The following LIMCH1 variants were observed in gnomAD, a reference collection of about 807,000 sequenced individuals.
LIMCH1 encodes LIM and calponin homology domains-containing protein 1.
LIMCH1 carries 113 observed loss-of-function variants against 176.5 expected under a neutral mutation model. The observed-to-expected ratio is 0.64, with a 90% CI of 0.55 to 0.75. The LOEUF (loss-of-function observed/expected upper bound fraction) is 0.75, where lower values mean the gene tolerates loss of function less well. Among genes scored for constraint, LIMCH1 ranks in the 30% least tolerant of loss-of-function variants. LIMCH1 has a pLI of 0.00. For missense variants in LIMCH1, 1,674 were observed against 1,814.9 expected (o/e 0.92, Z 1.41); for synonymous variants, 619 against 645.9 (o/e 0.96, Z 0.63).
At position 41,619,277 on chromosome 4, in the gene LIMCH1, G is replaced by A. The variant is rs2092382267; in HGVS notation, c.295G>A (p.Gly99Ser). 1 of 1,614,208 alleles carries A rather than the reference G, an allele frequency of 6.2e-7. No homozygotes were observed. The highest frequency in any genetic ancestry group is 1.7e-5 in the Admixed American group (1 of 60,030). Residue 99 changes from glycine to serine, a missense_variant, in exon 6 of 32, where the codon GGT becomes AGT. Around this residue, in one of 3 missense-constraint regions of LIMCH1, gnomAD observed 655 missense variants for 692.2 expected, o/e 0.95. Transcript: ENST00000503057. The stretch of plus-strand genomic sequence containing the variant: ...CATGTCTGCACGGCGGACTTCCCAT[G>A]GTGAGCCGAAATCAGCAGTGCCTTT... ...DDMSARRTSH[G>S]EPKSAVPFNQ... is the part of the protein sequence containing the mutation.
chr4:41,580,176 G>A (rs1007969068), intron 1 of LIMCH1, among the ~76,000 whole-genome samples: 3 of 152,200 alleles, frequency 2.0e-5, no homozygotes, highest in East Asian at 1.9e-4. Context: ...AAGTGAATGC[G>A]TTTCGTGTCC....
chr4:41,439,426 A>G (rs564146863), intron 1 of LIMCH1, among the ~76,000 whole-genome samples: 3 of 152,096 alleles, frequency 2.0e-5, no homozygotes, highest in Admixed American at 6.5e-5. Flanking sequence ...ATCTCTATAA[A>G]AAATACAGGA....
chr4:41,683,865 A>T (rs1033226017), intron 26 of LIMCH1, among the ~76,000 whole-genome samples: 1 of 152,228 alleles, frequency 6.6e-6, no homozygotes, highest in Non-Finnish European at 1.5e-5. Context: ...AAAAAATGTA[A>T]CTTTACAGAA....
At chr4:41,426,053 G>A (rs1156515507) in intron 1 of LIMCH1, among the ~76,000 whole-genome samples, 4 of 126,136 alleles carry the variant, frequency 3.2e-5, no homozygotes, top group Non-Finnish European at 6.3e-5. Context: ...ACGGAGTCTC[G>A]CTCTGTCGCC....
At chr4:41,675,922 A>G (rs1481123047) in intron 22 of LIMCH1, among the ~76,000 whole-genome samples, 1 of 152,174 alleles carries the variant, frequency 6.6e-6, no homozygotes, top group Non-Finnish European at 1.5e-5. Context: ...GAAAAGTGGT[A>G]TGGAAAAGCA....
chr4:41,420,602 C>T (rs1287574769), intron 1 of LIMCH1, among the ~76,000 whole-genome samples: 2 of 152,170 alleles, frequency 1.3e-5, no homozygotes. Flanking sequence ...ATGAACCACG[C>T]CTTAGGTTGA....
intron 1 of LIMCH1, among the ~76,000 whole-genome samples, chr4:41,373,928 C>T (rs998309041): frequency 6.6e-6 from 1 of 152,160 alleles, no homozygotes; most frequent in Admixed American, 6.5e-5. Context: ...GTGTGTAGTA[C>T]CTCCCCCTGC....
At chr4:41,362,871 C>T (rs1054308742) in intron 1 of LIMCH1, among the ~76,000 whole-genome samples, 1 of 152,140 alleles carries the variant, frequency 6.6e-6, no homozygotes, top group African/African-American at 2.4e-5. Flanking sequence ...GACAGTAGAA[C>T]CTCATTAAGC....
chr4:41,666,008 G>A (rs1357589290), intron 20 of LIMCH1, among the ~76,000 whole-genome samples: 1 of 152,186 alleles, frequency 6.6e-6, no homozygotes, highest in Non-Finnish European at 1.5e-5. Context: ...GGCACTGTTC[G>A]ACAGTGGTTG....
intron 12 of LIMCH1, 90 bp downstream of exon 12, chr4:41,633,175 G>C: frequency 1.1e-6 from 1 of 878,752 alleles, no homozygotes; most frequent in Non-Finnish European, 1.8e-6. Context: ...TAAAGTCACA[G>C]TCTGCACCTG....
In LIMCH1 at chr4:41,689,294, C is replaced by T. The variant is rs1407857474; in HGVS notation, c.4167-233C>T. ...AATAACCTAATAACTTAAACACACG[C>T]ACCAGATTCAGTACCACAGTGGAGA... On this transcript the variant is annotated intron_variant, in intron 29 of 31. Transcript: ENST00000503057. 2.6e-5 allele frequency among the ~76,000 whole-genome samples: 4 copies of T among 152,312 alleles called. No homozygotes were observed. In the South Asian group the frequency reaches 8.3e-4, roughly 32 times the overall value.
chr4:41,419,562 C>A lies in LIMCH1; in HGVS notation c.96+58626C>A, dbSNP rs544714836. On this transcript the variant is annotated intron_variant, in intron 1 of 26. Coordinates refer to the LIMCH1 transcript ENST00000313860. ...CCTACATTTTCTTCCTTTCCTTTCCCCTTCCTTCCTTCCTTCCTTCCTTCC... is the reference window on the plus strand; with the variant it reads ...CCTACATTTTCTTCCTTTCCTTTCCACTTCCTTCCTTCCTTCCTTCCTTCC... Among the ~76,000 whole-genome samples the A allele has an allele frequency of 2.2e-4, 9 of 41,680 alleles. No homozygotes were observed. The South Asian group carries it at 7.7e-3, about 36-fold the overall frequency. 27.3% of individuals were successfully genotyped at this position (41,680 alleles called of 152,430 possible).
intron 1 of LIMCH1, among the ~76,000 whole-genome samples, chr4:41,465,954 CTTTTTTT>C (rs34784602): frequency 1.8e-5 from 2 of 108,288 alleles, no homozygotes; most frequent in African/African-American, 7.7e-5. Context: ...CTGTTTGGCT[CTTTTTTT>C]TTTTTTTTTT....
chr4:41,649,200 G>C (rs1451084063), intron 17 of LIMCH1, among the ~76,000 whole-genome samples: 1 of 152,154 alleles, frequency 6.6e-6, no homozygotes, highest in African/African-American at 2.4e-5. Flanking sequence ...AGGAGTTCGA[G>C]ACCAGTCTGG....
At chr4:41,630,887 G>A (rs563844984) in intron 9 of LIMCH1, among the ~76,000 whole-genome samples, 2 of 152,246 alleles carry the variant, frequency 1.3e-5, no homozygotes, top group African/African-American at 4.8e-5. Flanking sequence ...ACCTAATACA[G>A]TGCTTTCACA....
At chr4:41,498,482 T>C (rs1017981285) in intron 2 of LIMCH1, among the ~76,000 whole-genome samples, 1 of 152,240 alleles carries the variant, frequency 6.6e-6, no homozygotes, top group African/African-American at 2.4e-5. Context: ...TCTGTTGTTT[T>C]TGCCAAGTGT....
chr4:41,485,759 G>A (rs1463595786), intron 1 of LIMCH1, among the ~76,000 whole-genome samples: 1 of 152,180 alleles, frequency 6.6e-6, no homozygotes, highest in Non-Finnish European at 1.5e-5. Flanking sequence ...GAGGGTCTGA[G>A]TGGAATGGTA....
At chr4:41,396,411 A>G (rs2057804101) in intron 1 of LIMCH1, among the ~76,000 whole-genome samples, 1 of 152,150 alleles carries the variant, frequency 6.6e-6, no homozygotes, top group African/African-American at 2.4e-5. Flanking sequence ...TTTGCTACTG[A>G]CCTATTTAAA....
At chr4:41,429,198 A>G (rs11935261) in intron 1 of LIMCH1, among the ~76,000 whole-genome samples, 3,646 of 152,038 alleles carry the variant, frequency 0.024, 63 homozygotes, top group Non-Finnish European at 0.041. Flanking sequence ...TTTAATGCGT[A>G]TGTTTTTGTT....
Sources: gnomAD v4.1 joint callset for allele counts (sites outside exome capture counted in the v4.1 genomes callset) on GRCh38, gnomAD v4.1.1 for gene constraint, gnomAD v4.1.1 regional missense constraint, MANE v1.5 for transcripts, NCBI Gene and HGNC (gene_info 2026-07-23, HGNC 2026-07-21) for gene names.